Variants in PIEZO2 observed in about 807,000 individuals in gnomAD.
The protein encoded by PIEZO2 is piezo-type mechanosensitive ion channel component 2.
Under a neutral mutation model 337.3 loss-of-function variants are expected in PIEZO2, and 172 were observed. The ratio of observed to expected loss-of-function variants is 0.51; its 90% CI spans 0.45 to 0.58. The LOEUF is 0.58. Ranked by LOEUF, PIEZO2 falls within the 20% of genes least tolerant of loss-of-function variation. PIEZO2 has a pLI of 0.00. For synonymous variants in PIEZO2, 1,251 were observed against 1,228.5 expected (o/e 1.02, Z -0.38); for missense variants, 3,028 against 3,391.3 (o/e 0.89, Z 2.66).
In PIEZO2 at chr18:11,032,550, A is replaced by G. The variant is rs2036779377; in HGVS notation, c.160+33577T>C. On this transcript the variant is annotated intron_variant, in intron 2 of 55. Coordinates refer to ENST00000674853, the MANE Select transcript of PIEZO2 (RefSeq NM_001378183.1). The surrounding 1 kb of genome is among the most constrained non-coding windows in gnomAD (Gnocchi z 4.9). Reference sequence around the variant, plus strand: ...GGTGGGAATTCTGACTACCCTGGTCATAAGAGCACAGGGGCAAACACAACA... The same window carrying G: ...GGTGGGAATTCTGACTACCCTGGTCGTAAGAGCACAGGGGCAAACACAACA... 1.3e-5 allele frequency among the ~76,000 whole-genome samples: 2 copies of G among 152,248 alleles called. No individual in the cohort carries two copies. Among genetic ancestry groups the G allele is most frequent in the South Asian group, 4.1e-4 (2 of 4,832 alleles).
chr18:10,697,856 C>T lies in PIEZO2; in HGVS notation c.6719G>A (p.Ser2240Asn). Reference protein sequence around the residue: ...QRGSTSTRNSSQKGSSVLSIK... With the variant: ...QRGSTSTRNSNQKGSSVLSIK... ...ACTCAAAACACTGCTTCCTTTTTGA[C>T]TGCTGTTTCGGGTGCTTGTGCTGCC... is the stretch of plus-strand genomic sequence containing the variant. The change falls in exon 45 of 56, where the codon AGT (serine) becomes AAT (asparagine). Residue 2240 changes from serine (S) to asparagine (N), a missense_variant. This residue lies in a region of PIEZO2 where 1,925 missense variants were observed against 2,051.9 expected (regional missense o/e 0.94). Transcript: ENST00000674853. 2 of 1,613,802 alleles carry T rather than the reference C, an allele frequency of 1.2e-6. No individual in the cohort carries two copies. Among genetic ancestry groups the T allele is most frequent in the African/African-American group, 1.3e-5 (1 of 75,046 alleles).
In PIEZO2 at chr18:10,701,812, T is replaced by A. The variant is rs62095566; in HGVS notation, c.6441+177A>T. 72 of 477,868 alleles carry A rather than the reference T, an allele frequency of 1.5e-4. 3 individuals carry two copies. The South Asian group carries it at 2.9e-3, about 20-fold the overall frequency. The allele number at this position is 477,868 out of a possible 1,614,324, so 29.6% of individuals were successfully genotyped here. ...TGGAAAAAATGTCAGCTAAATGAACTTAACCTTTTTCTTTTCTCTCTCTTT... is the reference window on the plus strand; with the variant it reads ...TGGAAAAAATGTCAGCTAAATGAACATAACCTTTTTCTTTTCTCTCTCTTT... On this transcript the variant is annotated intron_variant, in intron 43 of 55. Coordinates refer to ENST00000674853, the MANE Select transcript of PIEZO2 (RefSeq NM_001378183.1).
At position 10,824,884 on chromosome 18, in the gene PIEZO2, A is replaced by C. The variant is rs916767048; in HGVS notation, c.918-17610T>G. ...TGTCATTTTCTTTATTTTTGTTTGA[A>C]ACAGAGTCTTTCTCTGTCACCCAGG... On this transcript the variant is annotated intron_variant, in intron 7 of 55. Coordinates refer to ENST00000674853, the MANE Select transcript of PIEZO2 (RefSeq NM_001378183.1). This position sits in a 1 kb window ranked among gnomAD's most constrained non-coding sequence, Gnocchi z 4.4. 2.4e-4 allele frequency among the ~76,000 whole-genome samples: 37 copies of C among 152,218 alleles called. No homozygotes were observed. The highest frequency in any genetic ancestry group is 8.4e-4 in the African/African-American group (35 of 41,546).
intron 36 of PIEZO2, among the ~76,000 whole-genome samples, chr18:10,723,813 GA>G (rs1186686688): frequency 2.0e-5 from 3 of 152,172 alleles, no homozygotes; most frequent in Non-Finnish European, 4.4e-5. Flanking sequence ...TGGATTTGCT[GA>G]AGCTTCCCTC....
intron 47 of PIEZO2, among the ~76,000 whole-genome samples, chr18:10,693,414 G>A (rs547492318): frequency 2.7e-5 from 4 of 150,264 alleles, no homozygotes; most frequent in African/African-American, 4.9e-5. Context: ...TTGTCACCCA[G>A]GCTGGAGTGC....
At chr18:10,684,841 T>C (rs1380834292) in intron 49 of PIEZO2, among the ~76,000 whole-genome samples, 1 of 152,118 alleles carries the variant, frequency 6.6e-6, no homozygotes, top group African/African-American at 2.4e-5. Context: ...GCCATTCAAC[T>C]CTTTCTTTTT....
Position 10,691,285 on chromosome 18 carries a change from C to T in PIEZO2, c.7289G>A (p.Arg2430Gln). ...AYQIRCGYPT[R>Q]VLGNFLTKSY... ...CTTGGTGAGGAAGTTCCCCAGGACT[C>T]GCGTTGGGTAGCCACAACGGATCTG... The change falls in exon 48 of 56, where the codon CGA becomes CAA. Residue 2430 changes from arginine to glutamine, a missense_variant. Arg to Gln is a conservative substitution (Grantham distance 43, BLOSUM62 1). Coordinates refer to ENST00000674853, the MANE Select transcript of PIEZO2 (RefSeq NM_001378183.1). The T allele has an allele frequency of 1.2e-6, 2 of 1,614,054 alleles. No individual in the cohort carries two copies. The highest frequency in any genetic ancestry group is 1.7e-6 in the Non-Finnish European group (2 of 1,179,994).
chr18:11,133,656 T>C (rs2040400861), intron 1 of PIEZO2, among the ~76,000 whole-genome samples: 1 of 152,142 alleles, frequency 6.6e-6, no homozygotes, highest in Non-Finnish European at 1.5e-5. Context: ...CTGTGCTGGA[T>C]CCTTCCTGCC....
At chr18:11,139,628 C>A (rs1599020063) in intron 1 of PIEZO2, among the ~76,000 whole-genome samples, 2 of 152,068 alleles carry the variant, frequency 1.3e-5, no homozygotes, top group African/African-American at 4.8e-5. Context: ...TAATAAATAG[C>A]CATTTTATCT....
chr18:10,928,511 A>G (rs1170746400), intron 3 of PIEZO2, among the ~76,000 whole-genome samples: 2 of 152,242 alleles, frequency 1.3e-5, no homozygotes, highest in Admixed American at 6.5e-5. Flanking sequence ...ATCCTTTTTT[A>G]AAGTCCAGTT....
rs567437703 is a variant in PIEZO2 at position 10,830,372 on chromosome 18, C to G, written c.918-23098G>C. Among the ~76,000 whole-genome samples the G allele has an allele frequency of 1.1e-4, 16 of 152,180 alleles. No individual in the cohort carries two copies. Among genetic ancestry groups the G allele is most frequent in the Non-Finnish European group, 7.4e-5 (5 of 68,008 alleles). ...TGGGAAAAATCTCCAGGACATTGGTCTGGGCAAAGATTTCTTGCATAATAC... is the reference window on the plus strand; with the variant it reads ...TGGGAAAAATCTCCAGGACATTGGTGTGGGCAAAGATTTCTTGCATAATAC... On this transcript the variant is annotated intron_variant, in intron 7 of 55. Transcript: ENST00000674853. The surrounding 1 kb of genome is among the most constrained non-coding windows in gnomAD (Gnocchi z 4.7).
At chr18:10,839,382 G>A (rs1410930278) in intron 7 of PIEZO2, among the ~76,000 whole-genome samples, 6 of 152,186 alleles carry the variant, frequency 3.9e-5, no homozygotes, top group South Asian at 2.1e-4. Context: ...TCTACCTGCA[G>A]TGGTGGGGAT....
chr18:10,961,313 T>G (rs534193144), intron 3 of PIEZO2, among the ~76,000 whole-genome samples: 5 of 152,238 alleles, frequency 3.3e-5, no homozygotes, highest in African/African-American at 9.6e-5. Context: ...AAGTAAAGAA[T>G]GGAAAACCAA....
At chr18:10,864,237 TC>T (rs2144745926) in intron 5 of PIEZO2, among the ~76,000 whole-genome samples, 1 of 152,208 alleles carries the variant, frequency 6.6e-6, no homozygotes, top group Non-Finnish European at 1.5e-5. Context: ...CATCTATCCC[TC>T]CCTCCACTCA....
At chr18:11,023,910 C>T (rs928959848) in intron 2 of PIEZO2, among the ~76,000 whole-genome samples, 6 of 152,194 alleles carry the variant, frequency 3.9e-5, no homozygotes, top group African/African-American at 1.2e-4. Context: ...CCTCATTGCC[C>T]GGGGCCGGCA....
rs956138240 is a variant in PIEZO2, at chr18:10,760,973, C to T, written c.3388G>A (p.Asp1130Asn). 8.5e-6 allele frequency: 13 copies of T among 1,535,164 alleles called. No individual in the cohort carries two copies. The highest frequency in any genetic ancestry group is 1.4e-5 in the African/African-American group (1 of 73,016). The change falls in exon 24 of 56, where the codon GAT (aspartate) becomes AAT (asparagine). Residue 1130 changes from aspartate to asparagine, a missense_variant. Asp to Asn is a conservative substitution (Grantham distance 23, BLOSUM62 1). This residue lies in a region of PIEZO2 where 1,925 missense variants were observed against 2,051.9 expected (regional missense o/e 0.94). Coordinates refer to ENST00000674853, the MANE Select transcript of PIEZO2 (RefSeq NM_001378183.1). ...FHDITRLHLD[D>N]GLINCAKYFI... The stretch of plus-strand genomic sequence containing the variant: ...TATTTGGCACAATTAATAAGTCCAT[C>T]ATCTAGATGTAGTCTTGTAATGTCA...
In PIEZO2 at chr18:11,047,385, T is replaced by G. The variant is rs1006833851; in HGVS notation, c.160+18742A>C. ...GAGTAGGAGCGAGGGAGCCGCGCAG[T>G]GCAGCAAAGGCTCCTGCCTATCCCA... On this transcript the variant is annotated intron_variant, in intron 2 of 55. Coordinates refer to ENST00000674853, the MANE Select transcript of PIEZO2 (RefSeq NM_001378183.1). The surrounding 1 kb of genome is among the most constrained non-coding windows in gnomAD (Gnocchi z 7.2). Among the ~76,000 whole-genome samples the G allele has an allele frequency of 1.3e-5, 2 of 152,082 alleles. No individual in the cohort carries two copies. The highest frequency in any genetic ancestry group is 4.8e-5 in the African/African-American group (2 of 41,372).
chr18:10,704,345 C>G (rs1471365210), intron 42 of PIEZO2, 49 bp downstream of exon 42: 2 of 1,525,020 alleles, frequency 1.3e-6, no homozygotes, highest in African/African-American at 2.7e-5. Flanking sequence ...TATGCTTCCC[C>G]TTGCATAGCC....
intron 2 of PIEZO2, among the ~76,000 whole-genome samples, chr18:10,987,739 C>A (rs2034934915): frequency 6.6e-6 from 1 of 151,808 alleles, no homozygotes; most frequent in African/African-American, 2.4e-5. Context: ...AAGAAACAAT[C>A]CCTAAAATGA....
Sources: gnomAD v4.1 joint callset for allele counts (sites outside exome capture counted in the v4.1 genomes callset) on GRCh38, gnomAD v4.1.1 for gene constraint, gnomAD v4.1.1 regional missense constraint, Gnocchi (gnomAD v3.1) non-coding constraint, MANE v1.5 for transcripts, NCBI Gene and HGNC (gene_info 2026-07-23, HGNC 2026-07-21) for gene names.